Variants in MAML2 observed in about 807,000 individuals in gnomAD.
MAML2 encodes mastermind like transcriptional coactivator 2, also known as mastermind-like protein 2.
A neutral mutation model predicts 96.1 loss-of-function variants in MAML2; 22 were observed. That is an observed-to-expected ratio of 0.23 (90% CI 0.16 to 0.33). The LOEUF is 0.33. Ranked by LOEUF, MAML2 falls within the 10% of genes least tolerant of loss-of-function variation. The pLI is 1.00. For synonymous variants in MAML2, 561 were observed against 521.3 expected, an observed-to-expected ratio of 1.08 and a Z score of -1.04; for missense variants, 1,367 against 1,392.4, an observed-to-expected ratio of 0.98 and a Z score of 0.29.
rs1488532520 is a variant in MAML2 at position 96,342,298 on chromosome 11, C to T, written c.-403G>A. On this transcript the variant is annotated 5_prime_UTR_variant, in exon 1 of 5. Transcript: ENST00000524717. ...GGGATTGTCCAGCAAGAGACAGAAA[C>T]ACACAGCAAAAGGTATTGAGAGAGG... 4.7e-6 allele frequency: 2 copies of T among 425,950 alleles called. No individual in the cohort carries two copies. Among genetic ancestry groups the T allele is most frequent in the East Asian group, 3.3e-5 (1 of 29,986 alleles). The allele number at this position is 425,950 out of a possible 1,614,324, so 26.4% of individuals were successfully genotyped here.
chr11:96,338,797 A>G (rs868535870), intron 1 of MAML2, among the ~76,000 whole-genome samples: 1 of 152,234 alleles, frequency 6.6e-6, no homozygotes, highest in Non-Finnish European at 1.5e-5. Flanking sequence ...CAGTAGCAAT[A>G]AAATTAAGAA....
intron 1 of MAML2, among the ~76,000 whole-genome samples, chr11:96,327,908 C>A (rs1199612629): frequency 6.6e-6 from 1 of 151,716 alleles, no homozygotes; most frequent in East Asian, 2.0e-4. Flanking sequence ...CCAGCCTGGC[C>A]AACGAGGTGA....
At chr11:96,028,061 G>A (rs917590453) in intron 2 of MAML2, among the ~76,000 whole-genome samples, 2 of 152,108 alleles carry the variant, frequency 1.3e-5, no homozygotes, top group Non-Finnish European at 2.9e-5. Flanking sequence ...GGACTCATAA[G>A]TAAACAAGGT....
intron 1 of MAML2, among the ~76,000 whole-genome samples, chr11:96,108,972 C>T (rs551166865): frequency 1.3e-5 from 2 of 150,760 alleles, no homozygotes; most frequent in African/African-American, 4.9e-5. Context: ...AACAAGGCTG[C>T]AGTGATCATG....
At chr11:96,303,407 C>G (rs940793753) in intron 1 of MAML2, among the ~76,000 whole-genome samples, 2 of 152,094 alleles carry the variant, frequency 1.3e-5, no homozygotes, top group Non-Finnish European at 2.9e-5. Context: ...TTATAGTTAT[C>G]TATATATAAC....
intron 1 of MAML2, among the ~76,000 whole-genome samples, chr11:96,229,309 A>G (rs1360261498): frequency 2.0e-5 from 3 of 152,066 alleles, no homozygotes; most frequent in African/African-American, 7.2e-5. Flanking sequence ...AGTAAATTGT[A>G]ACCATTTTCT....
chr11:96,246,061 A>G (rs1187699524), intron 1 of MAML2, among the ~76,000 whole-genome samples: 1 of 151,578 alleles, frequency 6.6e-6, no homozygotes, highest in Non-Finnish European at 1.5e-5. Context: ...TGTGCTAGGT[A>G]CTATGCTAGG....
At chr11:96,231,650 G>C (rs1187040606) in intron 1 of MAML2, among the ~76,000 whole-genome samples, 1 of 152,176 alleles carries the variant, frequency 6.6e-6, no homozygotes, top group East Asian at 1.9e-4. Context: ...AAAAACAAAT[G>C]TATGAGTTGG....
At chr11:96,067,588 TG>T (rs199982225) in intron 2 of MAML2, among the ~76,000 whole-genome samples, 728 of 59,386 alleles carry the variant, frequency 0.012, 6 homozygotes, top group African/African-American at 0.031. Flanking sequence ...ATATCCCATT[TG>T]GTTTTTTTTT....
intron 1 of MAML2, among the ~76,000 whole-genome samples, chr11:96,306,392 AT>A (rs1423893402): frequency 6.6e-6 from 1 of 152,186 alleles, no homozygotes; most frequent in East Asian, 1.9e-4. Flanking sequence ...TCCCTAAAGA[AT>A]TAGGGCTGTG....
At chr11:96,255,495 T>G (rs1862651393) in intron 1 of MAML2, among the ~76,000 whole-genome samples, 1 of 152,230 alleles carries the variant, frequency 6.6e-6, no homozygotes, top group South Asian at 2.1e-4. Context: ...TCTCACTTGC[T>G]GCCTCCATTG....
intron 2 of MAML2, among the ~76,000 whole-genome samples, chr11:96,064,922 C>A (rs1188651708): frequency 6.6e-6 from 1 of 152,148 alleles, no homozygotes; most frequent in East Asian, 1.9e-4. Flanking sequence ...TGATCATTGT[C>A]ATTTTGCTTG....
chr11:96,009,461 C>T lies in MAML2; in HGVS notation c.2140-17738G>A, dbSNP rs144032420. Among the ~76,000 whole-genome samples the T allele has an allele frequency of 8.0e-3, 1,210 of 152,102 alleles. 25 individuals carry two copies. Among genetic ancestry groups the T allele is most frequent in the African/African-American group, 0.028 (1,141 of 41,476 alleles). On this transcript the variant is annotated intron_variant, in intron 2 of 4. Coordinates refer to ENST00000524717, the MANE Select transcript of MAML2 (RefSeq NM_032427.4). Reference sequence around the variant, plus strand: ...GTTTCTTTTTTATATATAGGGAAAGCACTAAAGATCTGAATAATTTAGTTT... The same window carrying T: ...GTTTCTTTTTTATATATAGGGAAAGTACTAAAGATCTGAATAATTTAGTTT...
intron 4 of MAML2, among the ~76,000 whole-genome samples, chr11:95,984,022 C>T (rs556052202): frequency 2.4e-4 from 37 of 152,282 alleles, no homozygotes; most frequent in Non-Finnish European, 4.6e-4. Flanking sequence ...GTGCAACTTC[C>T]AGTCCTGCAA....
chr11:96,228,076 T>TG (rs377228054), intron 1 of MAML2, among the ~76,000 whole-genome samples: 1 of 152,132 alleles, frequency 6.6e-6, no homozygotes, highest in African/African-American at 2.4e-5. Context: ...CACTCCAGCC[T>TG]GGGGGGAGAA....
chr11:96,224,815 T>C lies in MAML2; in HGVS notation c.513+116568A>G, dbSNP rs374263121. On this transcript the variant is annotated intron_variant, in intron 1 of 4. Transcript: ENST00000524717. ...CTACTTCAGAGGAATAAAAAGAAAA[T>C]AAAAACAAAATTAGGTCATTATTTG... Among the ~76,000 whole-genome samples, 11 of 152,282 alleles carry C rather than the reference T, an allele frequency of 7.2e-5. No homozygotes were observed. In the South Asian group the frequency reaches 1.9e-3, roughly 26 times the overall value.
intron 1 of MAML2, among the ~76,000 whole-genome samples, chr11:96,237,620 C>T (rs1200121251): frequency 6.6e-6 from 1 of 152,218 alleles, no homozygotes; most frequent in African/African-American, 2.4e-5. Context: ...GCAGCTTTCA[C>T]ATTGCTTGAA....
intron 1 of MAML2, among the ~76,000 whole-genome samples, chr11:96,234,252 C>A (rs1290711569): frequency 2.0e-5 from 3 of 152,118 alleles, no homozygotes; most frequent in Non-Finnish European, 4.4e-5. Context: ...GAAGCCAAGG[C>A]GGGCGGGTCA....
chr11:96,312,580 C>A (rs1047382722), intron 1 of MAML2, among the ~76,000 whole-genome samples: 1 of 152,138 alleles, frequency 6.6e-6, no homozygotes, highest in African/African-American at 2.4e-5. Context: ...AGTTGTTTGA[C>A]AATATGCTAA....
Sources: gnomAD v4.1 joint callset for allele counts (sites outside exome capture counted in the v4.1 genomes callset) on GRCh38, gnomAD v4.1.1 for gene constraint, MANE v1.5 for transcripts, NCBI Gene and HGNC (gene_info 2026-07-23, HGNC 2026-07-21) for gene names.